The following NAV3 variants were observed in gnomAD, a reference collection of about 807,000 sequenced individuals.
NAV3 encodes the protein pore membrane and/or filament interacting like protein 1.
Under a neutral mutation model 244.7 loss-of-function variants are expected in NAV3, and 87 were observed. The observed-to-expected ratio is 0.36, with a 90% confidence interval of 0.30 to 0.42. The LOEUF is 0.42. Ranked by LOEUF, NAV3 falls within the 20% of genes least tolerant of loss-of-function variation. NAV3 has a pLI of 1.00. For missense variants in NAV3, 2,663 were observed against 2,893.3 expected, an observed-to-expected ratio of 0.92 and a Z score of 1.83; for synonymous variants, 1,126 against 1,042.2, an observed-to-expected ratio of 1.08 and a Z score of -1.55.
chr12:78,191,643 G>A (rs1449905652), intron 34 of NAV3, among the ~76,000 whole-genome samples: 2 of 152,136 alleles, frequency 1.3e-5, no homozygotes, highest in African/African-American at 4.8e-5. Flanking sequence ...TAGAACCTGA[G>A]GTAGAGTATT....
At chr12:78,098,484 A>G (rs1178335067) in intron 12 of NAV3, among the ~76,000 whole-genome samples, 1 of 151,932 alleles carries the variant, frequency 6.6e-6, no homozygotes, top group Non-Finnish European at 1.5e-5. Context: ...TAGAAAAGAA[A>G]TAGTTGTCTA....
intron 7 of NAV3, among the ~76,000 whole-genome samples, chr12:78,004,863 A>G (rs1873928363): frequency 1.3e-5 from 2 of 152,186 alleles, no homozygotes; most frequent in African/African-American, 4.8e-5. Context: ...ATGATGTTAC[A>G]GCTGCTGTTA....
At chr12:78,061,888 T>A (rs913017793) in intron 12 of NAV3, among the ~76,000 whole-genome samples, 3 of 152,166 alleles carry the variant, frequency 2.0e-5, no homozygotes, top group African/African-American at 4.8e-5. Flanking sequence ...CTTTTAATCC[T>A]GGCACCTTAA....
At chr12:77,906,077 G>A (rs1023505859) in intron 1 of NAV3, among the ~76,000 whole-genome samples, 5 of 152,124 alleles carry the variant, frequency 3.3e-5, no homozygotes, top group African/African-American at 1.2e-4. Context: ...TGCAGGAAAG[G>A]TAGAGAGCTA....
At chr12:78,148,133 C>G (rs1956935029) in intron 21 of NAV3, among the ~76,000 whole-genome samples, 1 of 152,014 alleles carries the variant, frequency 6.6e-6, no homozygotes, top group African/African-American at 2.4e-5. Context: ...ATTGGTTTAT[C>G]TAATTAGTTG....
intron 2 of NAV3, among the ~76,000 whole-genome samples, chr12:77,690,358 T>C (rs1874947961): frequency 6.6e-6 from 1 of 151,774 alleles, no homozygotes; most frequent in African/African-American, 2.4e-5. Context: ...ATTTGGAACA[T>C]TAAAAGGCTA....
intron 1 of NAV3, among the ~76,000 whole-genome samples, chr12:77,870,363 CAAA>C (rs34447700): frequency 0.016 from 1,790 of 109,534 alleles, 40 homozygotes; most frequent in African/African-American, 0.059. Flanking sequence ...GACTCCATCT[CAAA>C]AAAAAAAAAA....
intron 3 of NAV3, chr12:77,950,845 T>C (rs1890804702): frequency 6.6e-6 from 1 of 152,184 alleles, no homozygotes; most frequent in Non-Finnish European, 1.5e-5. Flanking sequence ...TAAATAGTGC[T>C]GGGAAAACTG....
intron 16 of NAV3, among the ~76,000 whole-genome samples, chr12:78,124,740 C>T (rs555607923): frequency 7.2e-5 from 11 of 152,184 alleles, no homozygotes; most frequent in South Asian, 4.1e-4. Flanking sequence ...AGGTGTGAGC[C>T]GTGGCACCAG....
chr12:77,753,347 A>C, intron 2 of NAV3, among the ~76,000 whole-genome samples: 1 of 152,246 alleles, frequency 6.6e-6, no homozygotes. Context: ...TGTTTTTCAC[A>C]GTAAATGTTC....
rs373170355 is a variant in NAV3 at position 77,998,288 on chromosome 12, C to T, written c.741-49C>T. The T allele has an allele frequency of 1.4e-5, 20 of 1,385,048 alleles. No individual in the cohort carries two copies. In the African/African-American group the frequency reaches 2.7e-4, roughly 18 times the overall value. 85.8% of individuals were successfully genotyped at this position (1,385,048 alleles called of 1,614,324 possible). A position where few individuals can be genotyped will look rare whatever the true frequency, so the allele number is the denominator to read the frequency against. ...GACTTTCAGCACCTCCTGCTTCTTA[C>T]CTTTTTGTAATGTACAATAATGATG... On this transcript the variant is annotated intron_variant, in intron 6 of 39. Transcript: ENST00000397909.
At chr12:78,012,638 A>G (rs1348782842) in intron 8 of NAV3, among the ~76,000 whole-genome samples, 1 of 152,034 alleles carries the variant, frequency 6.6e-6, no homozygotes, top group African/African-American at 2.4e-5. Flanking sequence ...TATGACTGTA[A>G]CAACTGTCTT....
Position 77,857,658 on chromosome 12 carries a change from G to T in NAV3, c.243+25954G>T, listed in dbSNP as rs1307911249. On this transcript the variant is annotated intron_variant, in intron 1 of 39. Coordinates refer to ENST00000397909, the MANE Select transcript of NAV3 (RefSeq NM_001024383.2). ...TGACATTACTTTAGTGTGAAAAAAA[G>T]ACTTTAGAAAAAGTTTGCCTTGAGC... Among the ~76,000 whole-genome samples the T allele has an allele frequency of 2.6e-5, 4 of 151,748 alleles. No individual in the cohort carries two copies. The East Asian group carries it at 7.7e-4, about 29-fold the overall frequency.
chr12:77,596,992 C>T lies in NAV3; in HGVS notation c.72+24726C>T, dbSNP rs542275378. On this transcript the variant is annotated intron_variant, in intron 2 of 8. Transcript: ENST00000550042. Reference sequence around the variant, plus strand: ...CTTGAGTACTTCTATGTGCATCCATCGAGTCCATCCTTTGCCAAGCCAAGA... The same window carrying T: ...CTTGAGTACTTCTATGTGCATCCATTGAGTCCATCCTTTGCCAAGCCAAGA... 3.9e-5 allele frequency among the ~76,000 whole-genome samples: 6 copies of T among 152,160 alleles called. No individual in the cohort carries two copies. In the South Asian group the frequency reaches 6.2e-4, roughly 16 times the overall value.
At chr12:78,161,393 C>A (rs1957539807) in intron 23 of NAV3, among the ~76,000 whole-genome samples, 1 of 152,068 alleles carries the variant, frequency 6.6e-6, no homozygotes. Context: ...ATTTAAGTCT[C>A]AATATCTTTA....
At chr12:78,151,035 A>C (rs908042174) in intron 22 of NAV3, among the ~76,000 whole-genome samples, 2 of 151,328 alleles carry the variant, frequency 1.3e-5, no homozygotes, top group African/African-American at 4.9e-5. Context: ...GAAAACATCT[A>C]TAGTGTTTCC....
At chr12:77,854,070 C>A (rs1877970184) in intron 1 of NAV3, among the ~76,000 whole-genome samples, 1 of 152,120 alleles carries the variant, frequency 6.6e-6, no homozygotes, top group Admixed American at 6.6e-5. Context: ...TTGTCCTCTT[C>A]TTTGAGTAAA....
intron 2 of NAV3, among the ~76,000 whole-genome samples, chr12:77,748,759 G>A (rs1165341644): frequency 6.6e-6 from 1 of 151,946 alleles, no homozygotes. Context: ...TTGGTCAAAG[G>A]GTACACACTT....
At position 77,809,919 on chromosome 12, in the gene NAV3, G is replaced by A. The variant is rs574493208; in HGVS notation, c.73-130400G>A. 1.2e-3 allele frequency among the ~76,000 whole-genome samples: 186 copies of A among 152,122 alleles called. 1 individual carries two copies. The highest frequency in any genetic ancestry group is 4.1e-3 in the African/African-American group (170 of 41,506). ...ATCAAATCTACCTTTGGTTGGGTTC[G>A]TAGTTGTTCCAGTACAGAAAAAAAT... is the stretch of plus-strand genomic sequence containing the variant. On this transcript the variant is annotated intron_variant, in intron 2 of 8. Coordinates refer to the NAV3 transcript ENST00000550042.
Sources: gnomAD v4.1 joint callset for allele counts (sites outside exome capture counted in the v4.1 genomes callset) on GRCh38, gnomAD v4.1.1 for gene constraint, MANE v1.5 for transcripts, NCBI Gene and HGNC (gene_info 2026-07-23, HGNC 2026-07-21) for gene names.